The following NRXN1 variants were observed in gnomAD, a reference collection of about 807,000 sequenced individuals.
NRXN1 encodes neurexin 1, also known as neurexin-1.
A neutral mutation model predicts 150.9 loss-of-function variants in NRXN1; 39 were observed. That is an observed-to-expected ratio of 0.26 (90% CI 0.20 to 0.34). The LOEUF is 0.34. Among genes scored for constraint, NRXN1 ranks in the 10% least tolerant of loss-of-function variants. The probability of loss-of-function intolerance (pLI) is 1.00; values close to 1 mark genes in which losing one functional copy is unlikely to be tolerated. For synonymous variants in NRXN1, 924 were observed against 757.0 expected (o/e 1.22, Z -3.62); for missense variants, 1,815 against 1,949.9 (o/e 0.93, Z 1.30).
At chr2:50,551,120 G>T (rs1470458292) in intron 9 of NRXN1, among the ~76,000 whole-genome samples, 1 of 134,444 alleles carries the variant, frequency 7.4e-6, no homozygotes, top group Non-Finnish European at 1.6e-5. Flanking sequence ...GGGAGGGGGA[G>T]GGGGAGGGGG....
intron 5 of NRXN1, among the ~76,000 whole-genome samples, chr2:50,637,339 G>C (rs532421535): frequency 2.4e-4 from 36 of 152,178 alleles, no homozygotes; most frequent in African/African-American, 8.2e-4. Flanking sequence ...TATCTGGTTT[G>C]AGTACTGTTT....
At chr2:50,404,175 T>TTTGTTG (rs147734893) in intron 17 of NRXN1, among the ~76,000 whole-genome samples, 29 of 151,606 alleles carry the variant, frequency 1.9e-4, no homozygotes, top group Admixed American at 7.9e-4. Flanking sequence ...TTTGTTTTGT[T>TTTGTTG]TTGTTGTTGT....
At chr2:50,658,063 T>C (rs1161744602) in intron 5 of NRXN1, among the ~76,000 whole-genome samples, 1 of 152,076 alleles carries the variant, frequency 6.6e-6, no homozygotes, top group Non-Finnish European at 1.5e-5. Context: ...ACTATTTCAT[T>C]GATGTGCTCT....
intron 5 of NRXN1, among the ~76,000 whole-genome samples, chr2:50,647,629 C>T (rs138335141): frequency 6.6e-6 from 1 of 151,954 alleles, no homozygotes; most frequent in Non-Finnish European, 1.5e-5. Flanking sequence ...TTACTCTTGT[C>T]CTCATAATTC....
chr2:50,029,379 C>G (rs1174752369), intron 21 of NRXN1, among the ~76,000 whole-genome samples: 2 of 152,148 alleles, frequency 1.3e-5, no homozygotes, highest in African/African-American at 4.8e-5. Flanking sequence ...AATTAGGTCC[C>G]TGCCCAAATC....
intron 2 of NRXN1, among the ~76,000 whole-genome samples, chr2:50,947,814 T>C (rs1690643079): frequency 6.6e-6 from 1 of 152,036 alleles, no homozygotes; most frequent in South Asian, 2.1e-4. Flanking sequence ...TAATATCTAC[T>C]TAACAGTACA....
chr2:50,045,535 T>A (rs1374070746), intron 21 of NRXN1, among the ~76,000 whole-genome samples: 1 of 151,766 alleles, frequency 6.6e-6, no homozygotes, highest in Non-Finnish European at 1.5e-5. Context: ...CCTTCCTCCT[T>A]CCCCTCACAG....
intron 21 of NRXN1, among the ~76,000 whole-genome samples, chr2:50,029,924 T>G (rs1688939935): frequency 6.6e-6 from 1 of 151,916 alleles, no homozygotes; most frequent in African/African-American, 2.4e-5. Flanking sequence ...AGGAGAAAAA[T>G]AAAATATAAA....
chr2:50,764,997 G>C lies in NRXN1; in HGVS notation c.833-141382C>G, dbSNP rs374886582. Among the ~76,000 whole-genome samples, 18 of 152,082 alleles carry C rather than the reference G, an allele frequency of 1.2e-4. No individual in the cohort carries two copies. The East Asian group carries it at 3.5e-3, about 30-fold the overall frequency. ...TGGTCTATAAGTTGCTAGTGTTATT[G>C]TTGTTAAAAGAAACTGAACGCTTAG... On this transcript the variant is annotated intron_variant, in intron 5 of 22. Coordinates refer to ENST00000401669, the MANE Select transcript of NRXN1 (RefSeq NM_001330078.2).
chr2:50,962,577 C>T (rs1366189096), intron 2 of NRXN1, among the ~76,000 whole-genome samples: 1 of 151,526 alleles, frequency 6.6e-6, no homozygotes, highest in Admixed American at 6.6e-5. Context: ...ATGTTCAAGG[C>T]CCTGAGACCC....
intron 19 of NRXN1, among the ~76,000 whole-genome samples, chr2:50,063,792 G>A (rs1184631848): frequency 1.3e-5 from 2 of 152,062 alleles, no homozygotes; most frequent in Non-Finnish European, 2.9e-5. Context: ...GATTCCTTGT[G>A]AGCAGGAACC....
rs138176305 is a variant in NRXN1, at chr2:50,903,856, T to C, written c.832+18013A>G. On this transcript the variant is annotated intron_variant, in intron 5 of 22. Coordinates refer to ENST00000401669, the MANE Select transcript of NRXN1 (RefSeq NM_001330078.2). ...TAATGAGATTTGGAGTGTTCTAATA[T>C]AATCCACAAATACAAGACAGTAAGA... 5.9e-5 allele frequency among the ~76,000 whole-genome samples: 9 copies of C among 152,306 alleles called. No homozygotes were observed. In the East Asian group the frequency reaches 1.5e-3, roughly 26 times the overall value.
intron 21 of NRXN1, among the ~76,000 whole-genome samples, chr2:49,990,251 T>A (rs2152519413): frequency 6.6e-6 from 1 of 152,222 alleles, no homozygotes; most frequent in South Asian, 2.1e-4. Flanking sequence ...TCCCAGTGAA[T>A]AACTACTGCC....
intron 2 of NRXN1, among the ~76,000 whole-genome samples, chr2:51,002,322 C>T (rs1417291864): frequency 6.6e-6 from 1 of 151,924 alleles, no homozygotes; most frequent in Non-Finnish European, 1.5e-5. Flanking sequence ...TACTTTATGA[C>T]ACAACCAGAA....
intron 22 of NRXN1, among the ~76,000 whole-genome samples, chr2:49,926,695 ATAGT>A (rs1669168714): frequency 6.6e-6 from 1 of 152,230 alleles, no homozygotes; most frequent in Non-Finnish European, 1.5e-5. Context: ...TTTTGCTGAG[ATAGT>A]TATTTTAAAC....
intron 5 of NRXN1, among the ~76,000 whole-genome samples, chr2:50,911,979 T>C (rs1023389889): frequency 6.6e-5 from 10 of 152,002 alleles, no homozygotes; most frequent in African/African-American, 2.2e-4. Flanking sequence ...CCTTTCATAA[T>C]GGAGCAACTT....
intron 5 of NRXN1, among the ~76,000 whole-genome samples, chr2:50,858,215 A>G (rs993644133): frequency 2.6e-5 from 4 of 152,068 alleles, no homozygotes; most frequent in Non-Finnish European, 5.9e-5. Context: ...ATTGCCAATA[A>G]AGACACAAAT....
At chr2:50,432,210 G>A (rs1002905173) in intron 17 of NRXN1, 1 of 152,138 alleles carries the variant, frequency 6.6e-6, no homozygotes, top group African/African-American at 2.4e-5. Flanking sequence ...TCCCCTAGAA[G>A]GGCTTCTTTT....
chr2:50,522,720 A>ATTTTTTTTTTTTTTT (rs869200431), intron 12 of NRXN1, among the ~76,000 whole-genome samples: 10 of 47,724 alleles, frequency 2.1e-4, no homozygotes, highest in East Asian at 5.0e-4. Context: ...ATTTTTATTC[A>ATTTTTTTTTTTTTTT]TTTTTTTTTT....
Sources: gnomAD v4.1 joint callset for allele counts (sites outside exome capture counted in the v4.1 genomes callset) on GRCh38, gnomAD v4.1.1 for gene constraint, MANE v1.5 for transcripts, NCBI Gene and HGNC (gene_info 2026-07-23, HGNC 2026-07-21) for gene names.